The following CABCOCO1 variants were observed in gnomAD, a reference collection of about 807,000 sequenced individuals.
CABCOCO1 encodes ciliary associated calcium binding coiled-coil 1, also known as ciliary-associated calcium-binding coiled-coil protein 1.
Under a neutral mutation model 35.7 loss-of-function variants are expected in CABCOCO1, and 28 were observed. The observed-to-expected ratio is 0.78, with a 90% CI of 0.58 to 1.07. The LOEUF is 1.07. CABCOCO1 is among the 50% of genes least tolerant of loss of function. The probability of loss-of-function intolerance (pLI) is 0.00; values close to 1 mark genes in which losing one functional copy is unlikely to be tolerated. For synonymous variants in CABCOCO1, 95 were observed against 100.1 expected (o/e 0.95, Z 0.30); for missense variants, 326 against 309.2 (o/e 1.05, Z -0.41).
chr10:61,681,425 T>G (rs1253670848), intron 3 of CABCOCO1, 113 bp downstream of exon 3: 2 of 783,486 alleles, frequency 2.6e-6, no homozygotes, highest in Admixed American at 7.0e-5. Context: ...AAAATACGGG[T>G]TTTTCCTGAG....
intron 5 of CABCOCO1, among the ~76,000 whole-genome samples, chr10:61,747,710 G>C (rs546532843): frequency 2.6e-5 from 4 of 152,088 alleles, no homozygotes; most frequent in African/African-American, 9.7e-5. Context: ...TTGATACTTC[G>C]ATCTGCTGAA....
At chr10:61,764,938 A>AAT (rs1239575790) in intron 7 of CABCOCO1, among the ~76,000 whole-genome samples, 1 of 152,206 alleles carries the variant, frequency 6.6e-6, no homozygotes, top group East Asian at 1.9e-4. Flanking sequence ...CACTCTTGTA[A>AAT]ATAAATATGA....
At chr10:61,684,196 T>C (rs1179438826) in intron 3 of CABCOCO1, among the ~76,000 whole-genome samples, 1 of 152,186 alleles carries the variant, frequency 6.6e-6, no homozygotes, top group Non-Finnish European at 1.5e-5. Context: ...TCAGTGTATC[T>C]GACATACATA....
intron 5 of CABCOCO1, among the ~76,000 whole-genome samples, chr10:61,716,253 AG>A (rs1445454549): frequency 6.6e-6 from 1 of 152,196 alleles, no homozygotes; most frequent in African/African-American, 2.4e-5. Flanking sequence ...TAACACACAA[AG>A]TAAATTTTAG....
intron 2 of CABCOCO1, among the ~76,000 whole-genome samples, chr10:61,676,601 T>C (rs1839517977): frequency 6.6e-6 from 1 of 152,110 alleles, no homozygotes; most frequent in African/African-American, 2.4e-5. Context: ...GAAAATTGCT[T>C]TAAGAAATGG....
At chr10:61,729,301 A>C (rs1347617752) in intron 5 of CABCOCO1, among the ~76,000 whole-genome samples, 3 of 152,180 alleles carry the variant, frequency 2.0e-5, no homozygotes, top group Non-Finnish European at 2.9e-5. Flanking sequence ...ATTGAATTAT[A>C]AACCCAGTTT....
At chr10:61,741,761 T>A (rs960421048) in intron 5 of CABCOCO1, among the ~76,000 whole-genome samples, 3 of 152,226 alleles carry the variant, frequency 2.0e-5, no homozygotes, top group African/African-American at 7.2e-5. Flanking sequence ...AAGTGTATTG[T>A]TGAGATAGGT....
chr10:61,747,586 T>G (rs1195480572), intron 5 of CABCOCO1, among the ~76,000 whole-genome samples: 1 of 152,208 alleles, frequency 6.6e-6, no homozygotes, highest in East Asian at 1.9e-4. Context: ...TGTTCCTTTA[T>G]TATTTGAATG....
intron 5 of CABCOCO1, among the ~76,000 whole-genome samples, chr10:61,726,240 G>C (rs1325194836): frequency 1.3e-5 from 2 of 152,154 alleles, no homozygotes; most frequent in African/African-American, 4.8e-5. Context: ...TTGGAAAATA[G>C]TGTTTCTCAA....
At chr10:61,666,098 A>C (rs1453785752) in intron 1 of CABCOCO1, among the ~76,000 whole-genome samples, 1 of 152,162 alleles carries the variant, frequency 6.6e-6, no homozygotes, top group Non-Finnish European at 1.5e-5. Context: ...GGATGCTTAC[A>C]TAATTTTGAG....
chr10:61,747,881 G>A (rs976446675), intron 5 of CABCOCO1, among the ~76,000 whole-genome samples: 1 of 152,114 alleles, frequency 6.6e-6, no homozygotes, highest in Non-Finnish European at 1.5e-5. Flanking sequence ...TCACATCAAG[G>A]CTGTCTTCAT....
chr10:61,691,700 G>A (rs1840149052), intron 5 of CABCOCO1, among the ~76,000 whole-genome samples: 1 of 151,860 alleles, frequency 6.6e-6, no homozygotes, highest in Non-Finnish European at 1.5e-5. Flanking sequence ...GTGCCCATGT[G>A]TTCTCATTGT....
intron 5 of CABCOCO1, chr10:61,701,587 G>A (rs764046521): frequency 1.0e-6 from 1 of 955,614 alleles, no homozygotes; most frequent in South Asian, 4.8e-5. Context: ...AATGAATGCA[G>A]TCTAAGAAAA....
intron 2 of CABCOCO1, among the ~76,000 whole-genome samples, chr10:61,674,019 C>A (rs555945399): frequency 5.3e-5 from 8 of 152,108 alleles, no homozygotes; most frequent in Non-Finnish European, 8.8e-5. Context: ...CAAAATAGCA[C>A]AATGCGAATA....
Position 61,680,521 on chromosome 10 carries a change from T to TATTATATGTTATATTATGTTATATATAAC in CABCOCO1, c.165-619_165-591dup, listed in dbSNP as rs1164060685. ...ATGTTATATTATGTTATATATAACA[T>TATTATATGTTATATTATGTTATATATAAC]ATTATATGTTATATTATGTTATATA... On this transcript the variant is annotated intron_variant, in intron 2 of 7. Coordinates refer to ENST00000648843, the MANE Select transcript of CABCOCO1 (RefSeq NM_001366906.2). Among the ~76,000 whole-genome samples the TATTATATGTTATATTATGTTATATATAAC allele has an allele frequency of 8.1e-3, 1,100 of 136,452 alleles. 32 individuals are homozygous for TATTATATGTTATATTATGTTATATATAAC. Among genetic ancestry groups the TATTATATGTTATATTATGTTATATATAAC allele is most frequent in the South Asian group, 0.014 (63 of 4,506 alleles). The allele number at this position is 136,452 out of a possible 152,430, so 89.5% of individuals were successfully genotyped here.
chr10:61,705,138 G>A, intron 5 of CABCOCO1, among the ~76,000 whole-genome samples: 1 of 152,182 alleles, frequency 6.6e-6, no homozygotes, highest in East Asian at 1.9e-4. Flanking sequence ...TCTTTTGTGA[G>A]CAAGACTTGC....
At chr10:61,741,483 A>C (rs1352515622) in intron 5 of CABCOCO1, among the ~76,000 whole-genome samples, 1 of 152,216 alleles carries the variant, frequency 6.6e-6, no homozygotes, top group Non-Finnish European at 1.5e-5. Context: ...TAACCTGAAA[A>C]GAAGCTTAAA....
At chr10:61,716,629 T>G (rs1359490012) in intron 5 of CABCOCO1, among the ~76,000 whole-genome samples, 4 of 152,176 alleles carry the variant, frequency 2.6e-5, no homozygotes, top group Non-Finnish European at 1.5e-5. Context: ...ATCTCTACCT[T>G]TCTTGGGGCA....
At chr10:61,671,777 A>G (rs545069721) in intron 1 of CABCOCO1, among the ~76,000 whole-genome samples, 39 of 152,098 alleles carry the variant, frequency 2.6e-4, no homozygotes, top group Non-Finnish European at 4.6e-4. Flanking sequence ...ACCCTTCCTT[A>G]AAGCACAGTT....
Sources: allele counts gnomAD v4.1 joint callset (sites outside exome capture counted in the v4.1 genomes callset), GRCh38; gene constraint gnomAD v4.1.1; transcripts MANE v1.5; gene names NCBI Gene and HGNC (gene_info 2026-07-23, HGNC 2026-07-21).